Variants in ACTR3 observed in about 807,000 individuals in gnomAD.
The protein encoded by ACTR3 is actin related protein 3.
A neutral mutation model predicts 56.8 loss-of-function variants in ACTR3; 12 were observed. That is an observed-to-expected ratio of 0.21 (90% CI 0.14 to 0.34). The LOEUF (loss-of-function observed/expected upper bound fraction) is 0.34. Ranked by LOEUF, ACTR3 falls within the 10% of genes least tolerant of loss-of-function variation. The pLI, the probability that ACTR3 is intolerant of heterozygous loss-of-function variation, is 1.00. For missense variants in ACTR3, 282 were observed against 512.5 expected, an observed-to-expected ratio of 0.55 and a Z score of 4.34; for synonymous variants, 162 against 167.4, an observed-to-expected ratio of 0.97 and a Z score of 0.25.
intron 10 of ACTR3, 162 bp downstream of exon 10, chr2:113,952,007 G>A: frequency 7.7e-6 from 7 of 912,802 alleles, no homozygotes; most frequent in Non-Finnish European, 8.0e-6. Flanking sequence ...TGATATTCTG[G>A]ATCATTTGAT....
At chr2:113,933,561 A>G (rs1001246528) in intron 5 of ACTR3, among the ~76,000 whole-genome samples, 5 of 152,046 alleles carry the variant, frequency 3.3e-5, no homozygotes, top group African/African-American at 1.2e-4. Flanking sequence ...TTATAGCCAT[A>G]TATGTATTGA....
intron 8 of ACTR3, among the ~76,000 whole-genome samples, chr2:113,948,058 G>A (rs749854293): frequency 6.6e-6 from 1 of 152,088 alleles, no homozygotes; most frequent in Non-Finnish European, 1.5e-5. Context: ...ATTTCTAGAG[G>A]TAACCACTTC....
intron 1 of ACTR3, among the ~76,000 whole-genome samples, chr2:113,910,607 G>A (rs1679290033): frequency 6.6e-6 from 1 of 152,154 alleles, no homozygotes; most frequent in African/African-American, 2.4e-5. Context: ...CAGGTAGATA[G>A]TATTGGAATT....
At chr2:113,911,610 G>T (rs968668515) in intron 1 of ACTR3, among the ~76,000 whole-genome samples, 1 of 151,600 alleles carries the variant, frequency 6.6e-6, no homozygotes, top group Admixed American at 6.6e-5. Context: ...ATAGAGATGG[G>T]GTTTCACCAT....
At chr2:113,903,841 T>C (rs1679145635) in intron 1 of ACTR3, among the ~76,000 whole-genome samples, 1 of 151,142 alleles carries the variant, frequency 6.6e-6, no homozygotes, top group Non-Finnish European at 1.5e-5. Context: ...CTCTTCTCCT[T>C]CTGGGACCTA....
intron 1 of ACTR3, among the ~76,000 whole-genome samples, chr2:113,893,542 T>A (rs1678947826): frequency 1.3e-5 from 2 of 152,190 alleles, no homozygotes; most frequent in Non-Finnish European, 2.9e-5. Flanking sequence ...TCCACCCGCC[T>A]CAACCTCCCA....
chr2:113,909,688 C>T (rs1406967584), intron 1 of ACTR3, among the ~76,000 whole-genome samples: 1 of 145,382 alleles, frequency 6.9e-6, no homozygotes, highest in South Asian at 2.2e-4. Context: ...AGGGAATAGA[C>T]AAGATATAAG....
chr2:113,905,743 A>G (rs1679180611), intron 1 of ACTR3, among the ~76,000 whole-genome samples: 1 of 152,182 alleles, frequency 6.6e-6, no homozygotes, highest in Non-Finnish European at 1.5e-5. Flanking sequence ...TATAAGTGGA[A>G]TTGTACAATA....
At chr2:113,950,200 A>G (rs924147650) in intron 8 of ACTR3, among the ~76,000 whole-genome samples, 3 of 152,186 alleles carry the variant, frequency 2.0e-5, no homozygotes, top group Non-Finnish European at 4.4e-5. Context: ...ATATTCATTT[A>G]TATTCAATAG....
intron 4 of ACTR3, 132 bp downstream of exon 4, chr2:113,927,587 A>G: frequency 1.7e-6 from 1 of 582,306 alleles, no homozygotes; most frequent in African/African-American, 1.9e-5. Context: ...ATAAAGCTGT[A>G]TCATCTTTAA....
intron 2 of ACTR3, among the ~76,000 whole-genome samples, chr2:113,914,154 A>G (rs1274084350): frequency 6.6e-6 from 1 of 152,002 alleles, no homozygotes; most frequent in African/African-American, 2.4e-5. Flanking sequence ...TGTAGAGAGT[A>G]ATGAAAGCAG....
At position 113,959,618 on chromosome 2, in the gene ACTR3, A is replaced by G. The variant is rs1347345199; in HGVS notation, c.*2163A>G. The G allele has an allele frequency of 6.6e-6, 1 of 152,032 alleles. No individual in the cohort carries two copies. Among genetic ancestry groups the G allele is most frequent in the Non-Finnish European group, 1.5e-5 (1 of 67,924 alleles). The allele number at this position is 152,032 out of a possible 1,614,324, so 9.4% of individuals were successfully genotyped here. A position where few individuals can be genotyped will look rare whatever the true frequency, so the allele number is the denominator to read the frequency against. On this transcript the variant is annotated 3_prime_UTR_variant, in exon 12 of 12. Coordinates refer to ENST00000263238, the MANE Select transcript of ACTR3 (RefSeq NM_005721.5). ...GTATGTTCTGATATCCCTTTGCTCT[A>G]CTTTTAGAGGAGTGAACCCTAATAG...
At chr2:113,939,317 C>T (rs138479767) in intron 6 of ACTR3, among the ~76,000 whole-genome samples, 16 of 152,244 alleles carry the variant, frequency 1.1e-4, no homozygotes, top group African/African-American at 2.6e-4. Flanking sequence ...CCACCGCGCC[C>T]GGCCGAAAAC....
chr2:113,951,069 C>A (rs1461838089), intron 8 of ACTR3: 1 of 159,416 alleles, frequency 6.3e-6, no homozygotes, highest in South Asian at 1.8e-4. Flanking sequence ...CAGGTCCCTC[C>A]CACAACACGT....
Position 113,890,327 on chromosome 2 carries a change from A to G in ACTR3, c.44+4A>G, listed in dbSNP as rs1348753001. 3 of 412,086 alleles carry G rather than the reference A, an allele frequency of 7.3e-6. No homozygotes were observed. The highest frequency in any genetic ancestry group is 6.1e-5 in the African/African-American group (1 of 16,292). The allele number at this position is 412,086 out of a possible 1,614,324, so 25.5% of individuals were successfully genotyped here. On this transcript the variant is annotated splice_donor_region_variant and intron_variant, in intron 1 of 11. Transcript: ENST00000263238. ...GTGTGGTGGACTGTGGCACGGGGTA[A>G]GGGGGCTTACGGGCGGGGGTGGGGA...
Position 113,934,394 on chromosome 2 carries a change from TATTTTACA to T in ACTR3, c.540+9_540+16del, listed in dbSNP as rs773496029. 111 of 1,508,370 alleles carry T rather than the reference TATTTTACA, an allele frequency of 7.4e-5. No individual in the cohort carries two copies. Among genetic ancestry groups the T allele is most frequent in the Non-Finnish European group, 9.9e-5 (109 of 1,105,114 alleles). The allele number at this position is 1,508,370 out of a possible 1,614,324, so 93.4% of individuals were successfully genotyped here. A position where few individuals can be genotyped will look rare whatever the true frequency, so the allele number is the denominator to read the frequency against. ...ACTCATGTCATTCCTGTGGTAAGGC[TATTTTACA>T]GTTACTGAACAGAACATGAAATAAC... On this transcript the variant is annotated intron_variant, in intron 6 of 11. Transcript: ENST00000263238.
chr2:113,922,302 A>G (rs1679525713), intron 3 of ACTR3, among the ~76,000 whole-genome samples: 1 of 152,222 alleles, frequency 6.6e-6, no homozygotes, highest in Non-Finnish European at 1.5e-5. Context: ...AGGTATAATC[A>G]AGGTCTCTGA....
rs1036291343 is a variant in ACTR3, at chr2:113,958,384, A to G, written c.*929A>G. On this transcript the variant is annotated 3_prime_UTR_variant, in exon 12 of 12. Coordinates refer to ENST00000263238, the MANE Select transcript of ACTR3 (RefSeq NM_005721.5). ...GACTTTTGTAATGTGCTCAATACAA[A>G]TACTTGTGAACTTTTAATATGTTGA... The G allele has an allele frequency of 1.2e-4, 19 of 152,686 alleles. No homozygotes were observed. The highest frequency in any genetic ancestry group is 4.1e-4 in the African/African-American group (17 of 41,576). The allele number at this position is 152,686 out of a possible 1,614,324, so 9.5% of individuals were successfully genotyped here.
intron 10 of ACTR3, chr2:113,952,202 GAGA>G (rs1465427530): frequency 5.5e-6 from 1 of 182,896 alleles, no homozygotes; most frequent in African/African-American, 2.4e-5. Flanking sequence ...AAGCTGAGTT[GAGA>G]TTGATGCCAT....
Sources: allele counts gnomAD v4.1 joint callset (sites outside exome capture counted in the v4.1 genomes callset), GRCh38; gene constraint gnomAD v4.1.1; transcripts MANE v1.5; gene names NCBI Gene and HGNC (gene_info 2026-07-23, HGNC 2026-07-21).